MYO9A: variants seen among roughly 807,000 people sequenced by gnomAD.
The protein encoded by MYO9A is unconventional myosin-IXa.
MYO9A carries 103 observed loss-of-function variants against 293.3 expected under a neutral mutation model. The ratio of observed to expected loss-of-function variants is 0.35; its 90% confidence interval spans 0.30 to 0.41. The LOEUF (loss-of-function observed/expected upper bound fraction) is 0.41. Among genes scored for constraint, MYO9A ranks in the 10% least tolerant of loss-of-function variants. The pLI is 1.00. For missense variants in MYO9A, 2,685 were observed against 3,033.0 expected, an observed-to-expected ratio of 0.89 and a Z score of 2.69; for synonymous variants, 1,001 against 1,035.7, an observed-to-expected ratio of 0.97 and a Z score of 0.64.
intron 15 of MYO9A, among the ~76,000 whole-genome samples, chr15:71,943,441 A>G (rs2058829810): frequency 6.6e-6 from 1 of 152,022 alleles, no homozygotes; most frequent in South Asian, 2.1e-4. Flanking sequence ...ACAATTTTTT[A>G]TTTTGGATAT....
At chr15:71,895,932 T>A (rs1462178497) in intron 25 of MYO9A, among the ~76,000 whole-genome samples, 1 of 144,420 alleles carries the variant, frequency 6.9e-6, no homozygotes, top group Non-Finnish European at 1.5e-5. Context: ...AATGTCATAA[T>A]TAATAGACAT....
In MYO9A at chr15:71,893,794, T is replaced by C. The variant is rs1341267566; in HGVS notation, c.5043-16A>G. 2 of 1,596,422 alleles carry C rather than the reference T, an allele frequency of 1.3e-6. No homozygotes were observed. Among genetic ancestry groups the C allele is most frequent in the Non-Finnish European group, 1.7e-6 (2 of 1,164,604 alleles). On this transcript the variant is annotated splice_polypyrimidine_tract_variant and intron_variant, in intron 25 of 41. Transcript: ENST00000356056. Reference sequence around the variant, plus strand: ...TTTGCTGACACTTTAAATAAAACAATGAAATTACATTTCAGTTCTTAGCAG... The same window carrying C: ...TTTGCTGACACTTTAAATAAAACAACGAAATTACATTTCAGTTCTTAGCAG...
intron 33 of MYO9A, 53 bp from the exon 34 acceptor site, chr15:71,859,849 A>G: frequency 1.4e-6 from 2 of 1,471,726 alleles, no homozygotes; most frequent in Non-Finnish European, 1.9e-6. Flanking sequence ...CATCAGTGAT[A>G]ATAACTTATC....
At chr15:72,096,059 G>C (rs2080052605) in intron 1 of MYO9A, among the ~76,000 whole-genome samples, 4 of 151,686 alleles carry the variant, frequency 2.6e-5, no homozygotes, top group Admixed American at 2.0e-4. Context: ...TACTTGAGAG[G>C]CTAAGGCAGG....
At chr15:71,834,145 G>C (rs2054841934) in intron 39 of MYO9A, among the ~76,000 whole-genome samples, 1 of 151,976 alleles carries the variant, frequency 6.6e-6, no homozygotes, top group Non-Finnish European at 1.5e-5. Flanking sequence ...AATGAAAAAG[G>C]GGATATCACT....
chr15:71,962,117 A>T (rs892115549), intron 13 of MYO9A, among the ~76,000 whole-genome samples: 1 of 152,214 alleles, frequency 6.6e-6, no homozygotes, highest in African/African-American at 2.4e-5. Context: ...CTAGAACATA[A>T]GAAAATGGGT....
At chr15:72,079,022 C>G (rs1475072459) in intron 1 of MYO9A, among the ~76,000 whole-genome samples, 1 of 152,138 alleles carries the variant, frequency 6.6e-6, no homozygotes, top group Non-Finnish European at 1.5e-5. Context: ...AAACTATTCT[C>G]TATGATACTG....
chr15:72,073,864 T>C (rs113061101), intron 1 of MYO9A, among the ~76,000 whole-genome samples: 309 of 152,312 alleles, frequency 2.0e-3, no homozygotes, highest in Middle Eastern at 3.4e-3. Context: ...AGTAGCTGTG[T>C]GACCTGGGAC....
At chr15:71,999,806 T>A in intron 9 of MYO9A, 45 bp downstream of exon 9, 1 of 1,518,500 alleles carries the variant, frequency 6.6e-7, no homozygotes, top group Non-Finnish European at 9.0e-7. Context: ...CCTAAACTTC[T>A]AACAATGTCC....
chr15:72,044,487 C>G lies in MYO9A; in HGVS notation c.840+1237G>C, dbSNP rs375542118. ...CATGAAGTACAATAGATCCCTTGAC[C>G]TTATTCCTCCTATATAACTAAAAAA... On this transcript the variant is annotated intron_variant, in intron 2 of 41. Transcript: ENST00000356056. 1.9e-4 allele frequency among the ~76,000 whole-genome samples: 29 copies of G among 152,178 alleles called. No individual in the cohort carries two copies. The South Asian group carries it at 6.0e-3, about 32-fold the overall frequency.
At chr15:72,117,466 G>A (rs1395885584) in intron 1 of MYO9A, among the ~76,000 whole-genome samples, 1 of 152,160 alleles carries the variant, frequency 6.6e-6, no homozygotes, top group Admixed American at 6.5e-5. Context: ...GAGGCTGGAG[G>A]GCCGGAATGG....
intron 18 of MYO9A, 126 bp downstream of exon 18, chr15:71,933,544 G>A: frequency 1.2e-6 from 1 of 862,516 alleles, no homozygotes; most frequent in Non-Finnish European, 1.9e-6. Flanking sequence ...TCAACTAAGT[G>A]CACGATCACT....
intron 26 of MYO9A, chr15:71,892,874 T>C (rs1013396472): frequency 2.5e-6 from 2 of 797,472 alleles, no homozygotes; most frequent in Non-Finnish European, 1.7e-6. Flanking sequence ...AACCATTACA[T>C]GGGAAGAAGC....
At chr15:71,854,309 CT>C in intron 35 of MYO9A, 67 bp downstream of exon 35, 3 of 1,232,614 alleles carry the variant, frequency 2.4e-6, no homozygotes, top group Non-Finnish European at 3.2e-6. Flanking sequence ...GTAATGAAAA[CT>C]TTAAGAGCAT....
intron 15 of MYO9A, among the ~76,000 whole-genome samples, chr15:71,945,183 G>A (rs2058881165): frequency 6.6e-6 from 1 of 152,142 alleles, no homozygotes; most frequent in African/African-American, 2.4e-5. Context: ...TGTCTCAAGA[G>A]GTTGTATTCA....
At chr15:72,117,629 A>T (rs1308577779) in intron 1 of MYO9A, 51 bp downstream of exon 1, 10 of 394,528 alleles carry the variant, frequency 2.5e-5, no homozygotes, top group Non-Finnish European at 4.5e-5. Context: ...CGAGGCTGAG[A>T]CGTGGGCCAG....
chr15:72,027,081 C>G (rs533003254), intron 4 of MYO9A, among the ~76,000 whole-genome samples: 6 of 152,300 alleles, frequency 3.9e-5, no homozygotes, highest in African/African-American at 1.4e-4. Flanking sequence ...GATTTCACCT[C>G]TCATTCATTC....
rs755489981 is a variant in MYO9A, at chr15:71,878,033, C to T, written c.5931+7G>A. On this transcript the variant is annotated splice_region_variant and intron_variant, in intron 31 of 41. Coordinates refer to ENST00000356056, the MANE Select transcript of MYO9A (RefSeq NM_006901.4). ...TCCTTTAAGTAATCAAAATATATCA[C>T]ATTTACCTTTGTGGCTGTGCAATCT... 6.3e-7 allele frequency: 1 copy of T among 1,576,988 alleles called. No individual in the cohort carries two copies. Among genetic ancestry groups the T allele is most frequent in the Non-Finnish European group, 8.6e-7 (1 of 1,162,684 alleles).
chr15:71,986,972 T>C (rs546821671), intron 11 of MYO9A, among the ~76,000 whole-genome samples: 1 of 152,306 alleles, frequency 6.6e-6, no homozygotes, highest in African/African-American at 2.4e-5. Flanking sequence ...GCTCTAATCA[T>C]GGGAGGTGCC....
Sources: gnomAD v4.1 joint callset for allele counts (sites outside exome capture counted in the v4.1 genomes callset) on GRCh38, gnomAD v4.1.1 for gene constraint, MANE v1.5 for transcripts, NCBI Gene and HGNC (gene_info 2026-07-23, HGNC 2026-07-21) for gene names.